The following PPP2R2B variants were observed in gnomAD, a reference collection of about 807,000 sequenced individuals.
PPP2R2B encodes the protein protein phosphatase 2 regulatory subunit Bbeta.
Under a neutral mutation model 46.0 loss-of-function variants are expected in PPP2R2B, and 5 were observed. The observed-to-expected ratio is 0.11, with a 90% CI of 0.06 to 0.23. PPP2R2B has a LOEUF of 0.23. PPP2R2B is among the 10% of genes least tolerant of loss of function. PPP2R2B has a pLI of 1.00. For missense variants in PPP2R2B, 367 were observed against 575.0 expected, an observed-to-expected ratio of 0.64 and a Z score of 3.70; for synonymous variants, 215 against 206.7, an observed-to-expected ratio of 1.04 and a Z score of -0.34.
intron 5 of PPP2R2B, among the ~76,000 whole-genome samples, chr5:146,662,426 C>G (rs1191907576): frequency 6.6e-6 from 1 of 152,128 alleles, no homozygotes; most frequent in African/African-American, 2.4e-5. Context: ...TTGTCTGATT[C>G]CCAACCTTGG....
chr5:147,037,506 G>A (rs149540288), intron 1 of PPP2R2B, among the ~76,000 whole-genome samples: 2,566 of 151,920 alleles, frequency 0.017, 79 homozygotes, highest in African/African-American at 0.058. Flanking sequence ...ATGTATTCAG[G>A]TTATTTGTTT....
At chr5:146,678,103 T>C (rs1012950715) in intron 5 of PPP2R2B, among the ~76,000 whole-genome samples, 1 of 152,136 alleles carries the variant, frequency 6.6e-6, no homozygotes, top group African/African-American at 2.4e-5. Flanking sequence ...GGAGGCCAGG[T>C]AACATGGTGG....
intron 1 of PPP2R2B, among the ~76,000 whole-genome samples, chr5:146,992,998 A>C (rs1388466198): frequency 6.6e-6 from 1 of 152,180 alleles, no homozygotes; most frequent in Non-Finnish European, 1.5e-5. Context: ...GCTAGAGTGC[A>C]ATGACATGAT....
At chr5:146,918,926 T>A (rs907568931) in intron 1 of PPP2R2B, among the ~76,000 whole-genome samples, 8 of 152,244 alleles carry the variant, frequency 5.3e-5, no homozygotes, top group Non-Finnish European at 8.8e-5. Context: ...TCTGCTAGAT[T>A]TAACCTCTAC....
At chr5:146,935,615 A>C (rs1339761048) in intron 1 of PPP2R2B, among the ~76,000 whole-genome samples, 1 of 152,144 alleles carries the variant, frequency 6.6e-6, no homozygotes, top group Non-Finnish European at 1.5e-5. Context: ...ATATTCCCTG[A>C]AGTGGCATTT....
At chr5:147,063,759 G>C (rs529910898) in intron 2 of PPP2R2B, among the ~76,000 whole-genome samples, 1 of 152,196 alleles carries the variant, frequency 6.6e-6, no homozygotes, top group Non-Finnish European at 1.5e-5. Context: ...GGATTAGGCA[G>C]CATATTTCTT....
At chr5:146,675,801 G>C (rs1777671487) in intron 5 of PPP2R2B, among the ~76,000 whole-genome samples, 1 of 151,850 alleles carries the variant, frequency 6.6e-6, no homozygotes, top group African/African-American at 2.4e-5. Context: ...GTTCTGCACT[G>C]TTAACCAACC....
chr5:146,642,132 A>G (rs539070547), intron 6 of PPP2R2B, among the ~76,000 whole-genome samples: 16 of 152,338 alleles, frequency 1.1e-4, no homozygotes, highest in African/African-American at 3.8e-4. Context: ...AGCTCTGAGG[A>G]CAGGAGGGGG....
rs1209932870 is a variant in PPP2R2B at position 146,582,632 on chromosome 5, G to A, written c.*7315C>T. Reference sequence around the variant, plus strand: ...ATGCCGCTCATCTTATAAGCTTCCTGTGGGCAAGTGCTGTGCCTGACTTCC... The same window carrying A: ...ATGCCGCTCATCTTATAAGCTTCCTATGGGCAAGTGCTGTGCCTGACTTCC... On this transcript the variant is annotated 3_prime_UTR_variant, in exon 10 of 10. Transcript: ENST00000394411. 1 of 152,138 alleles carries A rather than the reference G, an allele frequency of 6.6e-6. No individual in the cohort carries two copies. Among genetic ancestry groups the A allele is most frequent in the Non-Finnish European group, 1.5e-5 (1 of 68,040 alleles). The allele number at this position is 152,138 out of a possible 1,614,324, so 9.4% of individuals were successfully genotyped here. A position where few individuals can be genotyped will look rare whatever the true frequency, so the allele number is the denominator to read the frequency against.
intron 2 of PPP2R2B, among the ~76,000 whole-genome samples, chr5:146,770,614 T>C (rs941288618): frequency 6.6e-6 from 1 of 152,202 alleles, no homozygotes; most frequent in Non-Finnish European, 1.5e-5. Context: ...CCAAATGTTT[T>C]GCAATGCACT....
chr5:146,695,158 T>G (rs990941320), intron 4 of PPP2R2B, among the ~76,000 whole-genome samples: 2 of 152,136 alleles, frequency 1.3e-5, no homozygotes, highest in Non-Finnish European at 2.9e-5. Flanking sequence ...TACAAAAGAG[T>G]TTGCAGAATA....
intron 2 of PPP2R2B, among the ~76,000 whole-genome samples, chr5:147,070,912 G>T (rs572449413): frequency 1.3e-5 from 2 of 152,200 alleles, no homozygotes; most frequent in East Asian, 3.9e-4. Flanking sequence ...GTGGGCATCT[G>T]CTGTGAAGTG....
intron 8 of PPP2R2B, among the ~76,000 whole-genome samples, chr5:146,599,569 T>G (rs1771574989): frequency 6.6e-6 from 1 of 152,206 alleles, no homozygotes; most frequent in African/African-American, 2.4e-5. Context: ...GGCTCATCCT[T>G]CTGCCTTTGT....
At chr5:146,779,345 T>C (rs938203102) in intron 2 of PPP2R2B, among the ~76,000 whole-genome samples, 5 of 152,122 alleles carry the variant, frequency 3.3e-5, no homozygotes, top group African/African-American at 1.2e-4. Context: ...CTGCTGGCGG[T>C]TGATTCTTGG....
At chr5:146,871,937 T>G (rs1443616800) in intron 2 of PPP2R2B, among the ~76,000 whole-genome samples, 1 of 152,188 alleles carries the variant, frequency 6.6e-6, no homozygotes, top group Admixed American at 6.5e-5. Context: ...ATTAAATGAG[T>G]AAACATAAGA....
intron 9 of PPP2R2B, 86 bp from the exon 10 acceptor site, chr5:146,590,312 G>A (rs1007590831): frequency 7.2e-7 from 1 of 1,389,130 alleles, no homozygotes; most frequent in Non-Finnish European, 9.8e-7. Flanking sequence ...GCCAGCTTAT[G>A]ACACCATAGG....
At chr5:146,814,800 T>G (rs1175299248) in intron 2 of PPP2R2B, among the ~76,000 whole-genome samples, 1 of 152,208 alleles carries the variant, frequency 6.6e-6, no homozygotes, top group Non-Finnish European at 1.5e-5. Flanking sequence ...CCCAGAGGTA[T>G]GACAACATGG....
upstream of PPP2R2B, chr5:147,056,204 A>C (rs974756980): frequency 1.2e-6 from 1 of 844,476 alleles, no homozygotes; most frequent in Non-Finnish European, 1.4e-6. Context: ...AAGACAGCAT[A>C]GTGTTCTGCC....
At position 146,759,303 on chromosome 5, in the gene PPP2R2B, A is replaced by G. The variant is rs1754018368; in HGVS notation, c.71-58161T>C. On this transcript the variant is annotated intron_variant, in intron 2 of 9. Transcript: ENST00000394411. The stretch of plus-strand genomic sequence containing the variant: ...TATGTGATCAGATGCTGGTAAAGCT[A>G]TGATAATAAGTAATATACTTCCCCT... Among the ~76,000 whole-genome samples the G allele has an allele frequency of 2.0e-5, 3 of 152,220 alleles. No homozygotes were observed. The South Asian group carries it at 6.2e-4, about 32-fold the overall frequency.
Sources: gnomAD v4.1 joint callset for allele counts (sites outside exome capture counted in the v4.1 genomes callset) on GRCh38, gnomAD v4.1.1 for gene constraint, MANE v1.5 for transcripts, NCBI Gene and HGNC (gene_info 2026-07-23, HGNC 2026-07-21) for gene names.